The following C12orf42 variants were observed in gnomAD, a reference collection of about 807,000 sequenced individuals.
The protein encoded by C12orf42 is uncharacterized protein C12orf42.
C12orf42 carries 25 observed loss-of-function variants against 21.6 expected under a neutral mutation model. The ratio of observed to expected loss-of-function variants is 1.16; its 90% CI spans 0.84 to 1.62. The LOEUF is 1.62. Among genes scored for constraint, C12orf42 ranks in the 40% most tolerant of loss-of-function variants. The pLI is 0.00. For synonymous variants in C12orf42, 174 were observed against 175.0 expected (o/e 0.99, Z 0.05); for missense variants, 483 against 459.3 (o/e 1.05, Z -0.47).
chr12:103,106,651 A>T, the C12orf42 span, among the ~76,000 whole-genome samples: 4 of 152,016 alleles, frequency 2.6e-5, no homozygotes, highest in Non-Finnish European at 5.9e-5. Context: ...AATATATATG[A>T]CATCAATGCA....
chr12:103,416,159 T>G (rs2049308683), intron 2 of C12orf42, among the ~76,000 whole-genome samples: 4 of 151,968 alleles, frequency 2.6e-5, no homozygotes. Context: ...TAATCAAACT[T>G]TATGTCATTC....
chr12:103,099,139 G>T, the C12orf42 span, among the ~76,000 whole-genome samples: 2 of 152,162 alleles, frequency 1.3e-5, no homozygotes, highest in African/African-American at 4.8e-5. Context: ...GTATCCTAAA[G>T]CTCCACATTT....
the C12orf42 span, among the ~76,000 whole-genome samples, chr12:103,190,520 C>T: frequency 5.6e-4 from 85 of 152,274 alleles, no homozygotes; most frequent in African/African-American, 1.9e-3. Flanking sequence ...GGACATATAT[C>T]AATCCAAGCC....
intron 5 of C12orf42, among the ~76,000 whole-genome samples, chr12:103,303,138 C>G (rs1482634423): frequency 6.6e-6 from 1 of 152,140 alleles, no homozygotes; most frequent in African/African-American, 2.4e-5. Context: ...CACATATCCA[C>G]TAATACTAAT....
the C12orf42 span, among the ~76,000 whole-genome samples, chr12:103,212,782 C>T: frequency 3.3e-5 from 5 of 152,018 alleles, no homozygotes; most frequent in African/African-American, 1.2e-4. Flanking sequence ...TAAAAAAACA[C>T]TTGTCCTTAC....
At chr12:103,060,022 GA>G in the C12orf42 span, among the ~76,000 whole-genome samples, 1 of 152,152 alleles carries the variant, frequency 6.6e-6, no homozygotes, top group African/African-American at 2.4e-5. Context: ...TTTCAAATAG[GA>G]AGAGAGGAAG....
At chr12:103,284,736 G>A (rs770648846) in intron 4 of C12orf42, among the ~76,000 whole-genome samples, 20 of 152,240 alleles carry the variant, frequency 1.3e-4, no homozygotes, top group Non-Finnish European at 2.1e-4. Context: ...CCTGGAAGGC[G>A]GCTCTATGAC....
At chr12:103,231,911 C>G in the C12orf42 span, among the ~76,000 whole-genome samples, 2 of 151,918 alleles carry the variant, frequency 1.3e-5, no homozygotes, top group Non-Finnish European at 2.9e-5. Context: ...GTGGCTGTAC[C>G]CTTTTGCATT....
At chr12:103,555,162 T>A in the C12orf42 span, among the ~76,000 whole-genome samples, 1 of 152,128 alleles carries the variant, frequency 6.6e-6, no homozygotes. Flanking sequence ...GGTGTATTAG[T>A]CCATTTCCAT....
intron 2 of C12orf42, among the ~76,000 whole-genome samples, chr12:103,420,469 C>G (rs1593930724): frequency 6.6e-6 from 1 of 152,178 alleles, no homozygotes; most frequent in Admixed American, 6.5e-5. Context: ...CCCTTTACTG[C>G]TCATCAATTG....
chr12:103,173,107 C>T, the C12orf42 span, among the ~76,000 whole-genome samples: 1 of 152,070 alleles, frequency 6.6e-6, no homozygotes, highest in Non-Finnish European at 1.5e-5. Context: ...ATCTCAGGTA[C>T]CAAAGAGTTC....
chr12:103,059,934 C>T, the C12orf42 span, among the ~76,000 whole-genome samples: 24 of 152,128 alleles, frequency 1.6e-4, no homozygotes, highest in Admixed American at 6.6e-5. Context: ...ACAACGATGC[C>T]GTCTCTCACC....
chr12:103,312,458 A>C (rs2039060822), intron 4 of C12orf42, among the ~76,000 whole-genome samples: 1 of 152,218 alleles, frequency 6.6e-6, no homozygotes. Flanking sequence ...ACAGAAGAAG[A>C]AATGATATCT....
chr12:103,301,899 C>T, downstream of C12orf42: 1 of 588,520 alleles, frequency 1.7e-6, no homozygotes, highest in East Asian at 3.1e-5. Context: ...GGAGACACCG[C>T]AGAACAAAAA....
chr12:103,232,898 T>A (rs2033346503), downstream of C12orf42, among the ~76,000 whole-genome samples: 1 of 152,128 alleles, frequency 6.6e-6, no homozygotes, highest in Non-Finnish European at 1.5e-5. Context: ...AAGTTTTGAG[T>A]TTTTTTATTG....
chr12:103,476,193 T>G (rs1292401027), intron 2 of C12orf42, among the ~76,000 whole-genome samples: 1 of 152,230 alleles, frequency 6.6e-6, no homozygotes, highest in Non-Finnish European at 1.5e-5. Flanking sequence ...ATCCCCACCA[T>G]TCACTAGCTA....
chr12:103,086,684 A>G, the C12orf42 span, among the ~76,000 whole-genome samples: 6 of 151,892 alleles, frequency 4.0e-5, no homozygotes, highest in African/African-American at 1.5e-4. Context: ...TTGAAACCCC[A>G]ATAACTCAAG....
chr12:103,474,049 A>G (rs146052921), intron 2 of C12orf42, among the ~76,000 whole-genome samples: 23 of 152,254 alleles, frequency 1.5e-4, no homozygotes, highest in African/African-American at 5.3e-4. Flanking sequence ...TTTAGAGTAC[A>G]TCACCATCCA....
At chr12:103,315,288 G>A (rs1484032441) in intron 4 of C12orf42, among the ~76,000 whole-genome samples, 1 of 151,942 alleles carries the variant, frequency 6.6e-6, no homozygotes, top group Admixed American at 6.6e-5. Context: ...TTCAAATAAA[G>A]AATTTAAAAT....
Sources: allele counts gnomAD v4.1 joint callset (sites outside exome capture counted in the v4.1 genomes callset), GRCh38; gene constraint gnomAD v4.1.1; transcripts MANE v1.5; gene names NCBI Gene and HGNC (gene_info 2026-07-23, HGNC 2026-07-21).